CNTN5: variants seen among roughly 807,000 people sequenced by gnomAD.
The protein encoded by CNTN5 is contactin 5.
In CNTN5, 77 loss-of-function variants were observed where a neutral mutation model predicts 129.1. That is an observed-to-expected ratio of 0.60 (90% CI 0.50 to 0.72). The LOEUF (loss-of-function observed/expected upper bound fraction) is 0.72. Ranked by LOEUF, CNTN5 falls within the 30% of genes least tolerant of loss-of-function variation. The pLI is 0.00. For synonymous variants in CNTN5, 509 were observed against 465.6 expected (o/e 1.09, Z -1.20); for missense variants, 1,478 against 1,328.8 (o/e 1.11, Z -1.75).
At chr11:99,841,495 T>G (rs1947489127) in intron 4 of CNTN5, among the ~76,000 whole-genome samples, 1 of 151,956 alleles carries the variant, frequency 6.6e-6, no homozygotes, top group Non-Finnish European at 1.5e-5. Flanking sequence ...ACTATGATAC[T>G]GAGCTGAGAT....
chr11:100,065,745 G>T (rs1943669534), intron 10 of CNTN5, among the ~76,000 whole-genome samples: 1 of 151,874 alleles, frequency 6.6e-6, no homozygotes, highest in Non-Finnish European at 1.5e-5. Flanking sequence ...GATGAGAATG[G>T]CATCGAGAGC....
At position 100,087,257 on chromosome 11, in the gene CNTN5, TA is replaced by T. The variant is rs541237613; in HGVS notation, c.1580+12969del. Among the ~76,000 whole-genome samples, 94 of 151,756 alleles carry T rather than the reference TA, an allele frequency of 6.2e-4. No individual in the cohort carries two copies. In the East Asian group the frequency reaches 0.015, roughly 24 times the overall value. ...AAATTGGATCATTTGATTAAATGAA[TA>T]AAAAATGATATTTCAAATTGACTCA... On this transcript the variant is annotated intron_variant, in intron 13 of 24. Transcript: ENST00000524871.
At chr11:99,433,371 A>AATG (rs1555143805) in intron 2 of CNTN5, among the ~76,000 whole-genome samples, 2,290 of 140,838 alleles carry the variant, frequency 0.016, 33 homozygotes, top group African/African-American at 0.047. Flanking sequence ...TAAAAAAAAA[A>AATG]TGTGTGTGTG....
intron 3 of CNTN5, among the ~76,000 whole-genome samples, chr11:99,650,566 T>G (rs1191371055): frequency 6.6e-6 from 1 of 151,826 alleles, no homozygotes. Context: ...GTTCTTTCCT[T>G]AGACAAAAAG....
At chr11:99,048,125 T>A (rs925011324) in intron 1 of CNTN5, among the ~76,000 whole-genome samples, 4 of 152,078 alleles carry the variant, frequency 2.6e-5, no homozygotes, top group Non-Finnish European at 5.9e-5. Flanking sequence ...TTGGAATAAC[T>A]TTTTCTTTTT....
At chr11:99,866,177 G>C (rs1262111503) in intron 6 of CNTN5, among the ~76,000 whole-genome samples, 1 of 152,094 alleles carries the variant, frequency 6.6e-6, no homozygotes, top group Non-Finnish European at 1.5e-5. Context: ...TGTCACGAAT[G>C]GTTTTGCTCT....
chr11:99,938,724 G>T (rs181388876), intron 7 of CNTN5, among the ~76,000 whole-genome samples: 1 of 151,932 alleles, frequency 6.6e-6, no homozygotes, highest in Non-Finnish European at 1.5e-5. Context: ...ACACCAAGCC[G>T]CAATCTACAT....
At chr11:99,648,120 A>AT (rs1952031983) in intron 3 of CNTN5, among the ~76,000 whole-genome samples, 2 of 151,778 alleles carry the variant, frequency 1.3e-5, no homozygotes, top group Non-Finnish European at 2.9e-5. Context: ...TTGTCGAGTG[A>AT]TTTTATCATG....
At chr11:99,371,988 C>G (rs2136134503) in intron 2 of CNTN5, among the ~76,000 whole-genome samples, 1 of 152,222 alleles carries the variant, frequency 6.6e-6, no homozygotes. Context: ...GGATGAGACC[C>G]TACAGAATTA....
chr11:99,273,491 G>T (rs1329529057), intron 1 of CNTN5, among the ~76,000 whole-genome samples: 1 of 151,672 alleles, frequency 6.6e-6, no homozygotes, highest in Non-Finnish European at 1.5e-5. Context: ...CCTGGTGTTT[G>T]TCTCTCTCTT....
chr11:99,522,811 A>G (rs937224346), intron 2 of CNTN5, among the ~76,000 whole-genome samples: 6 of 152,162 alleles, frequency 3.9e-5, no homozygotes, highest in Non-Finnish European at 5.9e-5. Context: ...GAATACTTCA[A>G]TATTAATGTA....
In CNTN5 at chr11:99,670,109, C is replaced by A. The variant is rs1008385000; in HGVS notation, c.55+113840C>A. ...TATTCTACTTGTCAGTTTAAAAAAT[C>A]TTCTAAGGGAAATACCATTAAACAT... On this transcript the variant is annotated intron_variant, in intron 3 of 24. Coordinates refer to ENST00000524871, the MANE Select transcript of CNTN5 (RefSeq NM_014361.4). Among the ~76,000 whole-genome samples the A allele has an allele frequency of 3.3e-5, 5 of 152,044 alleles. 1 individual carries two copies. Among genetic ancestry groups the A allele is most frequent in the Non-Finnish European group, 7.4e-5 (5 of 67,984 alleles).
intron 3 of CNTN5, among the ~76,000 whole-genome samples, chr11:99,817,856 A>T (rs562334235): frequency 0.11 from 10,917 of 99,750 alleles, 506 homozygotes; most frequent in East Asian, 0.16. Flanking sequence ...AACTCTTTTC[A>T]GTTAAAATTG....
intron 2 of CNTN5, among the ~76,000 whole-genome samples, chr11:99,452,185 A>T (rs1361344878): frequency 1.3e-5 from 2 of 152,166 alleles, no homozygotes; most frequent in East Asian, 3.9e-4. Context: ...TATATTAGAA[A>T]ATAAATGTAT....
At chr11:99,301,613 AAGAAAACAT>A (rs1864642019) in intron 1 of CNTN5, among the ~76,000 whole-genome samples, 1 of 151,860 alleles carries the variant, frequency 6.6e-6, no homozygotes, top group Non-Finnish European at 1.5e-5. Flanking sequence ...GAAGAATTGA[AAGAAAACAT>A]AGACAATGAA....
At chr11:99,504,571 AT>A (rs1946549029) in intron 2 of CNTN5, among the ~76,000 whole-genome samples, 1 of 151,916 alleles carries the variant, frequency 6.6e-6, no homozygotes, top group Non-Finnish European at 1.5e-5. Context: ...TTAAAATATA[AT>A]TTTACATTTG....
intron 21 of CNTN5, among the ~76,000 whole-genome samples, chr11:100,329,911 A>C (rs1180439571): frequency 6.6e-6 from 1 of 152,192 alleles, no homozygotes; most frequent in East Asian, 1.9e-4. Context: ...AATATGACAA[A>C]ACAAGGTTCT....
At chr11:99,134,051 G>A (rs919065397) in intron 1 of CNTN5, among the ~76,000 whole-genome samples, 28 of 152,054 alleles carry the variant, frequency 1.8e-4, no homozygotes, top group Non-Finnish European at 2.9e-4. Flanking sequence ...GTACATATAC[G>A]TCATGGAATA....
At chr11:99,732,582 A>G (rs1169789462) in intron 3 of CNTN5, among the ~76,000 whole-genome samples, 4 of 152,210 alleles carry the variant, frequency 2.6e-5, no homozygotes, top group African/African-American at 9.6e-5. Context: ...GGAGACAGGT[A>G]AAGCATCAGC....
Sources: gnomAD v4.1 joint callset for allele counts (sites outside exome capture counted in the v4.1 genomes callset) on GRCh38, gnomAD v4.1.1 for gene constraint, MANE v1.5 for transcripts, NCBI Gene and HGNC (gene_info 2026-07-23, HGNC 2026-07-21) for gene names.